TBC1D22A: variants seen among roughly 807,000 people sequenced by gnomAD.
The protein encoded by TBC1D22A is putative GTPase activator.
TBC1D22A carries 38 observed loss-of-function variants against 60.2 expected under a neutral mutation model. The ratio of observed to expected loss-of-function variants is 0.63; its 90% CI spans 0.49 to 0.83. The LOEUF is 0.83. Among genes scored for constraint, TBC1D22A ranks in the 40% least tolerant of loss-of-function variants. TBC1D22A has a pLI of 0.00. For synonymous variants in TBC1D22A, 302 were observed against 281.7 expected (o/e 1.07, Z -0.72); for missense variants, 628 against 701.0 (o/e 0.90, Z 1.18).
At chr22:47,172,064 GC>G (rs2068498922) in intron 12 of TBC1D22A, among the ~76,000 whole-genome samples, 1 of 113,528 alleles carries the variant, frequency 8.8e-6, no homozygotes, top group Non-Finnish European at 1.9e-5. Context: ...AGCCTACCCA[GC>G]ACTCCCAGTG....
rs1020013059 is a variant in TBC1D22A, at chr22:47,012,983, C to T, written c.1201+15274C>T. Among the ~76,000 whole-genome samples the T allele has an allele frequency of 2.4e-4, 36 of 152,198 alleles. 1 individual carries two copies. The highest frequency in any genetic ancestry group is 2.3e-3 in the Admixed American group (35 of 15,294). On this transcript the variant is annotated intron_variant, in intron 10 of 12. Transcript: ENST00000337137. ...AGTCTGTCGTATGGCTTTTGGAAAGCCATCGTGCTCCAGTTACAGCCGAGC... is the reference window on the plus strand; with the variant it reads ...AGTCTGTCGTATGGCTTTTGGAAAGTCATCGTGCTCCAGTTACAGCCGAGC...
chr22:47,147,093 G>T (rs927956843), intron 12 of TBC1D22A, among the ~76,000 whole-genome samples: 2 of 152,366 alleles, frequency 1.3e-5, no homozygotes, highest in Middle Eastern at 3.4e-3. Flanking sequence ...CCCAGCCTGA[G>T]TCCAGAAGGG....
At chr22:46,860,861 G>A (rs1022563324) in intron 4 of TBC1D22A, among the ~76,000 whole-genome samples, 1 of 152,238 alleles carries the variant, frequency 6.6e-6, no homozygotes, top group Admixed American at 6.5e-5. Flanking sequence ...GTTGAGTGGG[G>A]GTTACAGGGT....
intron 10 of TBC1D22A, among the ~76,000 whole-genome samples, chr22:47,024,582 G>T (rs2062192231): frequency 6.6e-6 from 1 of 152,036 alleles, no homozygotes; most frequent in African/African-American, 2.4e-5. Context: ...TTTAGGGCAT[G>T]GTTGCTCAAA....
intron 8 of TBC1D22A, among the ~76,000 whole-genome samples, chr22:46,941,692 G>GGAATATATATATA: frequency 1.7e-5 from 1 of 59,614 alleles, no homozygotes; most frequent in South Asian, 3.6e-4. Flanking sequence ...ATATATATAC[G>GGAATATATATATA]CGGATTATAT....
intron 4 of TBC1D22A, among the ~76,000 whole-genome samples, chr22:46,824,325 G>C (rs970928246): frequency 1.3e-5 from 2 of 152,156 alleles, no homozygotes; most frequent in Non-Finnish European, 2.9e-5. Flanking sequence ...ACAGTGAAGC[G>C]TAGACCCAAA....
intron 11 of TBC1D22A, among the ~76,000 whole-genome samples, chr22:47,090,686 C>T (rs1415030683): frequency 3.3e-5 from 5 of 151,980 alleles, no homozygotes; most frequent in Non-Finnish European, 7.4e-5. Context: ...GGGGTGGCTG[C>T]GTGTTGATAG....
intron 5 of TBC1D22A, among the ~76,000 whole-genome samples, chr22:46,886,297 C>A (rs921141202): frequency 6.6e-6 from 1 of 152,198 alleles, no homozygotes; most frequent in Non-Finnish European, 1.5e-5. Context: ...AATGGCCACA[C>A]CTTTCCTCCA....
At chr22:47,036,826 A>C (rs971236375) in intron 10 of TBC1D22A, among the ~76,000 whole-genome samples, 1 of 152,210 alleles carries the variant, frequency 6.6e-6, no homozygotes, top group Non-Finnish European at 1.5e-5. Flanking sequence ...AAGCACCCGA[A>C]CATGTCCATG....
intron 11 of TBC1D22A, among the ~76,000 whole-genome samples, chr22:47,069,846 G>A (rs1198730575): frequency 2.1e-5 from 3 of 146,040 alleles, no homozygotes; most frequent in African/African-American, 7.7e-5. Flanking sequence ...GAGCGGGGCT[G>A]ACCTGACGGT....
Position 46,791,702 on chromosome 22 carries a change from C to T in TBC1D22A, c.63-818C>T, listed in dbSNP as rs971309566. 5.3e-5 allele frequency among the ~76,000 whole-genome samples: 8 copies of T among 152,156 alleles called. No homozygotes were observed. In the South Asian group the frequency reaches 1.2e-3, roughly 24 times the overall value. ...ACAGTGTCTGCCACGTGGGGTATTT[C>T]ATTTCCATCAGTTTTCCAAATTTAC... On this transcript the variant is annotated intron_variant, in intron 1 of 12. Coordinates refer to ENST00000337137, the MANE Select transcript of TBC1D22A (RefSeq NM_014346.5).
intron 9 of TBC1D22A, among the ~76,000 whole-genome samples, chr22:46,980,862 G>A (rs1319639730): frequency 6.6e-6 from 1 of 152,162 alleles, no homozygotes; most frequent in Non-Finnish European, 1.5e-5. Context: ...AAAGAGAAGA[G>A]AAAGTCTCAT....
chr22:46,900,238 G>T (rs918685685), intron 7 of TBC1D22A, among the ~76,000 whole-genome samples: 1 of 148,274 alleles, frequency 6.7e-6, no homozygotes, highest in Non-Finnish European at 1.5e-5. Flanking sequence ...TGCAACCTCC[G>T]CCTCCTGGGT....
At position 47,148,177 on chromosome 22, in the gene TBC1D22A, A is replaced by G. The variant is rs371555873; in HGVS notation, c.1426-25321A>G. On this transcript the variant is annotated intron_variant, in intron 12 of 12. Coordinates refer to ENST00000337137, the MANE Select transcript of TBC1D22A (RefSeq NM_014346.5). ...ACCAGCCCCGAGAGGCCACCACCCC[A>G]TCGGACAGGTGGGATTCCCGTGGAT... Among the ~76,000 whole-genome samples, 73 of 152,244 alleles carry G rather than the reference A, an allele frequency of 4.8e-4. 3 individuals are homozygous for G. In the East Asian group the frequency reaches 8.9e-3, roughly 19 times the overall value.
chr22:46,867,715 C>T (rs1000099754), intron 4 of TBC1D22A, among the ~76,000 whole-genome samples: 2 of 152,118 alleles, frequency 1.3e-5, no homozygotes, highest in South Asian at 2.1e-4. Flanking sequence ...GATGACATGG[C>T]GAAAATGTGC....
intron 2 of TBC1D22A, 152 bp downstream of exon 2, chr22:46,792,728 T>G: frequency 6.5e-7 from 1 of 1,536,268 alleles, no homozygotes; most frequent in East Asian, 2.3e-5. Context: ...AGTCGCTTTG[T>G]GTGAGATACT....
intron 12 of TBC1D22A, among the ~76,000 whole-genome samples, chr22:47,139,394 T>A (rs188427163): frequency 1.3e-5 from 2 of 152,216 alleles, no homozygotes; most frequent in Admixed American, 6.5e-5. Context: ...TCGAGACAGG[T>A]GTTCACCCAA....
chr22:47,060,234 CTGACT>C (rs1398141124), intron 11 of TBC1D22A, among the ~76,000 whole-genome samples: 2 of 140,056 alleles, frequency 1.4e-5, no homozygotes, highest in African/African-American at 5.5e-5. Context: ...CTAAGGGTTT[CTGACT>C]TTTTTTTTTT....
intron 8 of TBC1D22A, among the ~76,000 whole-genome samples, chr22:46,973,736 G>A (rs1347837710): frequency 6.6e-6 from 1 of 152,088 alleles, no homozygotes; most frequent in Non-Finnish European, 1.5e-5. Context: ...TTTCTCATTC[G>A]GTTTTTTGTA....
Sources: allele counts gnomAD v4.1 joint callset (sites outside exome capture counted in the v4.1 genomes callset), GRCh38; gene constraint gnomAD v4.1.1; transcripts MANE v1.5; gene names NCBI Gene and HGNC (gene_info 2026-07-23, HGNC 2026-07-21).